The following IMMT variants were observed in gnomAD, a reference collection of about 807,000 sequenced individuals.
IMMT encodes inner membrane mitochondrial protein, also known as MICOS complex subunit MIC60.
In IMMT, 40 loss-of-function variants were observed where a neutral mutation model predicts 92.7. The ratio of observed to expected loss-of-function variants is 0.43; its 90% confidence interval spans 0.34 to 0.56. The LOEUF is 0.56. Ranked by LOEUF, IMMT falls within the 20% of genes least tolerant of loss-of-function variation. The pLI, the probability that IMMT is intolerant of heterozygous loss-of-function variation, is 0.03. For missense variants in IMMT, 831 were observed against 912.1 expected (o/e 0.91, Z 1.14); for synonymous variants, 322 against 336.1 (o/e 0.96, Z 0.46).
rs1558809861 is a variant in IMMT, at chr2:86,147,840, A to C, written c.1402-7T>G. 1.2e-6 allele frequency: 2 copies of C among 1,612,818 alleles called. No individual in the cohort carries two copies. Among genetic ancestry groups the C allele is most frequent in the Non-Finnish European group, 1.7e-6 (2 of 1,179,638 alleles). On this transcript the variant is annotated splice_polypyrimidine_tract_variant and splice_region_variant and intron_variant, in intron 12 of 14. Transcript: ENST00000410111. Reference sequence around the variant, plus strand: ...CATCTCTGACTTCTTCTATCTGTGAAACCAAACATAGTAGTTATTAGTTTT... The same window carrying C: ...CATCTCTGACTTCTTCTATCTGTGACACCAAACATAGTAGTTATTAGTTTT...
intron 6 of IMMT, among the ~76,000 whole-genome samples, chr2:86,167,857 G>A (rs113485719): frequency 1.7e-3 from 261 of 152,018 alleles, no homozygotes; most frequent in African/African-American, 5.7e-3. Context: ...TTTAAAGAAG[G>A]GTAATGTATT....
In IMMT at chr2:86,144,606, T is replaced by C. The variant is rs1674852857; in HGVS notation, c.1939A>G (p.Met647Val). ...AVQKLARRVA[M>V]IDETRNSLYQ... ...AAGCTATTTCTGGTTTCATCAATCATTGCTACCCTTCGGGCCAGTTTTTGA... is the reference window on the plus strand; with the variant it reads ...AAGCTATTTCTGGTTTCATCAATCACTGCTACCCTTCGGGCCAGTTTTTGA... Residue 647 changes from methionine to valine, a missense_variant, in exon 15 of 15, where the codon ATG becomes GTG. Transcript: ENST00000410111. 1.9e-6 allele frequency: 3 copies of C among 1,613,886 alleles called. No homozygotes were observed. The highest frequency in any genetic ancestry group is 2.5e-6 in the Non-Finnish European group (3 of 1,179,898).
chr2:86,150,238 A>T (rs1192535703), intron 12 of IMMT, among the ~76,000 whole-genome samples: 1 of 152,232 alleles, frequency 6.6e-6, no homozygotes, highest in Non-Finnish European at 1.5e-5. Context: ...CCTGAAGCCA[A>T]GGCAGAGGTC....
chr2:86,171,251 A>T lies in IMMT; in HGVS notation c.516T>A (p.Asp172Glu). 1 of 1,604,902 alleles carries T rather than the reference A, an allele frequency of 6.2e-7. No homozygotes were observed. The highest frequency in any genetic ancestry group is 8.5e-7 in the Non-Finnish European group (1 of 1,175,006). The change falls in exon 5 of 15, where the codon GAT (aspartate) becomes GAA (glutamate). Residue 172 changes from aspartate to glutamate, a missense_variant. Coordinates refer to ENST00000410111, the MANE Select transcript of IMMT (RefSeq NM_006839.3). Reference protein sequence around the residue: ...AVQPEESLKTDHPEIGEGKPT... With the variant: ...AVQPEESLKTEHPEIGEGKPT... ...GTTTTCCTTCACCAATTTCAGGGTG[A>T]TCAGTTTTTAAAGATTCCTCAGGCT...
intron 12 of IMMT, among the ~76,000 whole-genome samples, chr2:86,148,789 A>G (rs1675242740): frequency 1.3e-5 from 2 of 152,200 alleles, no homozygotes; most frequent in Admixed American, 6.5e-5. Flanking sequence ...TTTACAAATT[A>G]CTTAACACTG....
Position 86,187,211 on chromosome 2 carries a change from T to C in IMMT, c.46-5839A>G, listed in dbSNP as rs568943273. Among the ~76,000 whole-genome samples, 5 of 152,142 alleles carry C rather than the reference T, an allele frequency of 3.3e-5. No homozygotes were observed. In the South Asian group the frequency reaches 1.0e-3, roughly 32 times the overall value. ...ATATCCATTAAGCAGTCATCCCCCA[T>C]TTTCCTCTCTCTCTGGCCCCTGGCA... On this transcript the variant is annotated intron_variant, in intron 1 of 14. Transcript: ENST00000410111.
chr2:86,178,499 G>A (rs1444671805), intron 3 of IMMT, among the ~76,000 whole-genome samples: 1 of 151,630 alleles, frequency 6.6e-6, no homozygotes, highest in East Asian at 1.9e-4. Context: ...GGTGGCGCCC[G>A]CCTATAATCC....
At chr2:86,171,860 A>ATTTTT (rs375045380) in intron 4 of IMMT, among the ~76,000 whole-genome samples, 16 of 112,538 alleles carry the variant, frequency 1.4e-4, no homozygotes, top group Middle Eastern at 4.4e-3. Context: ...ATATATATAT[A>ATTTTT]TATTTTTTGC....
chr2:86,189,494 T>C (rs1362527602), intron 1 of IMMT, among the ~76,000 whole-genome samples: 6 of 152,206 alleles, frequency 3.9e-5, no homozygotes, highest in Non-Finnish European at 1.5e-5. Flanking sequence ...TGATTAATGC[T>C]GTTACACAGA....
intron 1 of IMMT, among the ~76,000 whole-genome samples, chr2:86,187,728 T>C (rs1352344556): frequency 6.6e-6 from 1 of 151,930 alleles, no homozygotes; most frequent in African/African-American, 2.4e-5. Flanking sequence ...CTGACCAACA[T>C]GGAGAAGCCC....
intron 1 of IMMT, among the ~76,000 whole-genome samples, chr2:86,183,942 A>G (rs1425574830): frequency 2.6e-5 from 4 of 152,170 alleles, no homozygotes; most frequent in African/African-American, 9.7e-5. Flanking sequence ...AATTTTTGTT[A>G]AAATAAATAA....
Position 86,173,761 on chromosome 2 carries a change from T to A in IMMT, c.310A>T (p.Ile104Phe). The part of the protein sequence containing the change: ...AYNVPLPKKS[I>F]QSGPLKISSV... Reference sequence around the variant, plus strand: ...GAGATTTTTAGTGGACCCGACTGAATCTTGGAAATAAAAAACATTTAACAT... The same window carrying A: ...GAGATTTTTAGTGGACCCGACTGAAACTTGGAAATAAAAAACATTTAACAT... The change falls in exon 4 of 15, where the codon ATT (isoleucine) becomes TTT (phenylalanine). Residue 104 changes from isoleucine (I) to phenylalanine (F), a missense_variant and splice_region_variant. Transcript: ENST00000410111. 1.3e-6 allele frequency: 2 copies of A among 1,511,354 alleles called. No homozygotes were observed. Among genetic ancestry groups the A allele is most frequent in the Non-Finnish European group, 1.8e-6 (2 of 1,093,724 alleles). The allele number at this position is 1,511,354 out of a possible 1,614,324, so 93.6% of individuals were successfully genotyped here.
intron 1 of IMMT, among the ~76,000 whole-genome samples, chr2:86,186,398 T>C (rs1232457512): frequency 2.6e-5 from 4 of 152,110 alleles, no homozygotes; most frequent in African/African-American, 7.2e-5. Flanking sequence ...CTCCCAACAA[T>C]AATAAGTTTT....
At chr2:86,188,533 C>T (rs916789039) in intron 1 of IMMT, among the ~76,000 whole-genome samples, 5 of 152,046 alleles carry the variant, frequency 3.3e-5, no homozygotes. Context: ...AAGCAATCCT[C>T]CCACCTCTCA....
intron 9 of IMMT, chr2:86,159,293 C>A (rs766549082): frequency 2.1e-5 from 11 of 528,664 alleles, no homozygotes; most frequent in Non-Finnish European, 3.8e-5. Context: ...CCATGTTGCC[C>A]AGGCTGGTCT....
At chr2:86,152,116 C>CA (rs1675503742) in intron 11 of IMMT, among the ~76,000 whole-genome samples, 1 of 151,898 alleles carries the variant, frequency 6.6e-6, no homozygotes, top group Non-Finnish European at 1.5e-5. Flanking sequence ...AATCTCAATC[C>CA]AAAAATGTAG....
chr2:86,155,420 C>A (rs1269902299), intron 10 of IMMT, among the ~76,000 whole-genome samples: 1 of 152,176 alleles, frequency 6.6e-6, no homozygotes, highest in East Asian at 1.9e-4. Flanking sequence ...GCTCTTACCC[C>A]AACCTTGCAC....
intron 3 of IMMT, among the ~76,000 whole-genome samples, chr2:86,177,066 G>T (rs1347862103): frequency 6.6e-6 from 1 of 152,190 alleles, no homozygotes; most frequent in African/African-American, 2.4e-5. Flanking sequence ...CAGGGAGGAA[G>T]TTGGATGACA....
At chr2:86,163,972 T>C (rs1323880527) in intron 7 of IMMT, among the ~76,000 whole-genome samples, 2 of 101,124 alleles carry the variant, frequency 2.0e-5, no homozygotes, top group South Asian at 3.0e-4. Flanking sequence ...AAAAAAAGAA[T>C]GTTCTATGTA....
Sources: gnomAD v4.1 joint callset for allele counts (sites outside exome capture counted in the v4.1 genomes callset) on GRCh38, gnomAD v4.1.1 for gene constraint, MANE v1.5 for transcripts, NCBI Gene and HGNC (gene_info 2026-07-23, HGNC 2026-07-21) for gene names.